HDAC5: variants seen among roughly 807,000 people sequenced by gnomAD.
HDAC5 encodes the protein histone deacetylase 5, also known as antigen NY-CO-9.
A neutral mutation model predicts 133.3 loss-of-function variants in HDAC5; 25 were observed. The ratio of observed to expected loss-of-function variants is 0.19; its 90% confidence interval spans 0.14 to 0.26. HDAC5 has a LOEUF of 0.26. Ranked by LOEUF, HDAC5 falls within the 10% of genes least tolerant of loss-of-function variation. HDAC5 has a pLI of 1.00. For synonymous variants in HDAC5, 589 were observed against 610.8 expected (o/e 0.96, Z 0.53); for missense variants, 1,041 against 1,460.5 (o/e 0.71, Z 4.68).
chr17:44,113,639 T>C (rs543483677), intron 2 of HDAC5, among the ~76,000 whole-genome samples: 64 of 152,216 alleles, frequency 4.2e-4, no homozygotes, highest in Admixed American at 1.4e-3. Context: ...CCACCAAGCA[T>C]GGGGTACATG....
At chr17:44,116,166 G>C (rs1455115725) in intron 2 of HDAC5, among the ~76,000 whole-genome samples, 2 of 152,248 alleles carry the variant, frequency 1.3e-5, no homozygotes, top group African/African-American at 4.8e-5. Flanking sequence ...AGGGACTGCA[G>C]ATGGCTCCTG....
rs1404187911 is a variant in HDAC5 at position 44,101,390 on chromosome 17, G to A, written c.95-7556C>T. Among the ~76,000 whole-genome samples the A allele has an allele frequency of 7.4e-5, 8 of 107,778 alleles. No homozygotes were observed. The East Asian group carries it at 1.2e-3, about 17-fold the overall frequency. The allele number at this position is 107,778 out of a possible 152,430, so 70.7% of individuals were successfully genotyped here. On this transcript the variant is annotated intron_variant, in intron 3 of 26. Transcript: ENST00000682912. ...CACACCACTGCACTCCAGCCTTGGCGACAGAGCAAGACTCCGTCTCAAAAA... is the reference window on the plus strand; with the variant it reads ...CACACCACTGCACTCCAGCCTTGGCAACAGAGCAAGACTCCGTCTCAAAAA...
Position 44,092,459 on chromosome 17 carries a change from G to A in HDAC5, c.841C>T (p.Leu281Phe). ...QKVAERRSSP[L>F]LRRKDGTVIS... The stretch of plus-strand genomic sequence containing the variant: ...ACAGTCCCATCCTTGCGACGCAGGA[G>A]GGGACTGCTTCTCCGCTCAGCCACC... Residue 281 changes from leucine to phenylalanine, a missense_variant, in exon 8 of 27, where the codon CTC (leucine) becomes TTC (phenylalanine). By Grantham distance (22) the Leu-to-Phe change is conservative. Transcript: ENST00000682912. 1.9e-6 allele frequency: 3 copies of A among 1,613,910 alleles called. No individual in the cohort carries two copies. Among genetic ancestry groups the A allele is most frequent in the Non-Finnish European group, 2.5e-6 (3 of 1,179,876 alleles).
intron 22 of HDAC5, 58 bp from the exon 23 acceptor site, chr17:44,080,283 C>T (rs1397802143): frequency 4.5e-6 from 7 of 1,560,652 alleles, no homozygotes; most frequent in Non-Finnish European, 6.2e-6. Flanking sequence ...CCTCGCCCCA[C>T]TGTTATCCTC....
At chr17:44,104,175 C>T (rs866980403) in intron 3 of HDAC5, among the ~76,000 whole-genome samples, 1 of 151,740 alleles carries the variant, frequency 6.6e-6, no homozygotes, top group Non-Finnish European at 1.5e-5. Context: ...ACAAAAATTA[C>T]CCAGGCATGG....
chr17:44,114,957 G>C (rs534729403), intron 2 of HDAC5, among the ~76,000 whole-genome samples: 1 of 152,148 alleles, frequency 6.6e-6, no homozygotes, highest in Non-Finnish European at 1.5e-5. Context: ...TAGGCAGCCC[G>C]AGCCAGAGGG....
In HDAC5 at chr17:44,101,676, T is replaced by TA. The variant is rs1356810076; in HGVS notation, c.95-7843dup. Among the ~76,000 whole-genome samples, 5 of 152,186 alleles carry TA rather than the reference T, an allele frequency of 3.3e-5. No individual in the cohort carries two copies. The South Asian group carries it at 1.0e-3, about 32-fold the overall frequency. ...ACACAGGTGAGGAAACCAAGCCTCTTAGAGAGGCTGCTCTGCAGATGATCC... is the reference window on the plus strand; with the variant it reads ...ACACAGGTGAGGAAACCAAGCCTCTTAAGAGAGGCTGCTCTGCAGATGATCC... On this transcript the variant is annotated intron_variant, in intron 3 of 26. Transcript: ENST00000682912.
At position 44,086,650 on chromosome 17, in the gene HDAC5, G is replaced by C. The variant is rs773781546; in HGVS notation, c.1972C>G (p.Arg658Gly). Residue 658 changes from arginine (R) to glycine (G), a missense_variant, in exon 14 of 27, where the codon CGT (arginine) becomes GGT (glycine). Coordinates refer to ENST00000682912, the MANE Select transcript of HDAC5 (RefSeq NM_005474.5). ...GGGGCAGCAGGGGAGGACTGGGTAC[G>C]GCCCAGGGCCTGGTGGGGCACAGTG... is the stretch of plus-strand genomic sequence containing the variant. ...LATVPHQALG[R>G]TQSSPAAPGG... is the part of the protein sequence containing the mutation. 1.5e-6 allele frequency: 2 copies of C among 1,301,304 alleles called. No individual in the cohort carries two copies. The highest frequency in any genetic ancestry group is 2.0e-6 in the Non-Finnish European group (2 of 1,017,270). The allele number at this position is 1,301,304 out of a possible 1,614,324, so 80.6% of individuals were successfully genotyped here.
chr17:44,079,414 G>C, intron 23 of HDAC5, 137 bp from the exon 24 acceptor site: 2 of 764,288 alleles, frequency 2.6e-6, no homozygotes, highest in South Asian at 3.6e-5. Flanking sequence ...GGCCAAGGCG[G>C]GCAGATCACA....
intron 1 of HDAC5, among the ~76,000 whole-genome samples, chr17:44,122,495 G>A (rs2053071396): frequency 6.6e-6 from 1 of 152,136 alleles, no homozygotes; most frequent in South Asian, 2.1e-4. Flanking sequence ...CACTGACTGA[G>A]TGATGGGTCC....
intron 24 of HDAC5, 116 bp downstream of exon 24, chr17:44,079,028 T>C: frequency 6.6e-7 from 1 of 1,511,408 alleles, no homozygotes; most frequent in Non-Finnish European, 9.0e-7. Context: ...GCCTGGCCAT[T>C]AGCTGTTCCT....
chr17:44,117,589 A>G lies in HDAC5; in HGVS notation c.-74T>C. 6.5e-7 allele frequency: 1 copy of G among 1,547,700 alleles called. No individual in the cohort carries two copies. Among genetic ancestry groups the G allele is most frequent in the Non-Finnish European group, 8.9e-7 (1 of 1,126,116 alleles). On this transcript the variant is annotated 5_prime_UTR_variant, in exon 2 of 27. Transcript: ENST00000682912. The surrounding 1 kb of genome is among the most constrained non-coding windows in gnomAD (Gnocchi z 4.2). Reference sequence around the variant, plus strand: ...GGGGTGGAGCTGCGGTGATGTCAAGAGAGACAGACGATAACAGACAGACGG... The same window carrying G: ...GGGGTGGAGCTGCGGTGATGTCAAGGGAGACAGACGATAACAGACAGACGG...
chr17:44,078,679 A>T lies in HDAC5; in HGVS notation c.3164-14T>A. ...TCCAGTGTTTGCCTGTGGACGAGAG[A>T]CAGGCAAGGGGTCAGGGAGGGCAGA... On this transcript the variant is annotated splice_polypyrimidine_tract_variant and intron_variant, in intron 25 of 26. Coordinates refer to ENST00000682912, the MANE Select transcript of HDAC5 (RefSeq NM_005474.5). 1 of 1,605,048 alleles carries T rather than the reference A, an allele frequency of 6.2e-7. No individual in the cohort carries two copies. Among genetic ancestry groups the T allele is most frequent in the Non-Finnish European group, 8.5e-7 (1 of 1,177,100 alleles).
chr17:44,095,450 C>T (rs1466163337), intron 3 of HDAC5, among the ~76,000 whole-genome samples: 1 of 152,076 alleles, frequency 6.6e-6, no homozygotes, highest in African/African-American at 2.4e-5. Context: ...ATATCTCTAC[C>T]CTCTGTCCCC....
rs535480768 is a variant in HDAC5, at chr17:44,108,778, A to C, written c.94+1951T>G. Among the ~76,000 whole-genome samples, 17 of 150,740 alleles carry C rather than the reference A, an allele frequency of 1.1e-4. 1 individual carries two copies. In the East Asian group the frequency reaches 3.3e-3, roughly 30 times the overall value. On this transcript the variant is annotated intron_variant, in intron 3 of 26. Transcript: ENST00000682912. ...AAAAAAAAACAAAAAAAAAACAAAA[A>C]AAAAACAAGGCTGCCGAGCTCCAGG...
At chr17:44,082,549 C>G in intron 20 of HDAC5, 36 bp downstream of exon 20, 1 of 1,530,532 alleles carries the variant, frequency 6.5e-7, no homozygotes, top group Non-Finnish European at 9.1e-7. Context: ...CCTAGCTCTA[C>G]CCGCCCCTGC....
chr17:44,088,285 G>A (rs2143187462), intron 12 of HDAC5, 102 bp downstream of exon 12: 2 of 1,467,006 alleles, frequency 1.4e-6, no homozygotes, highest in East Asian at 2.5e-5. Context: ...TCAGGCGCGA[G>A]CCACCGTGTC....
At chr17:44,103,165 G>A (rs759763023) in intron 3 of HDAC5, among the ~76,000 whole-genome samples, 5 of 152,028 alleles carry the variant, frequency 3.3e-5, no homozygotes, top group Non-Finnish European at 7.4e-5. Context: ...GGAAGGAGGC[G>A]GAGAACAACA....
At position 44,091,405 on chromosome 17, in the gene HDAC5, T is replaced by C; in HGVS notation, c.1252A>G (p.Met418Val). Residue 418 changes from methionine (M) to valine (V), a missense_variant, in exon 11 of 27, where the codon ATG becomes GTG. By Grantham distance (21) the Met-to-Val change is conservative (BLOSUM62 1). Coordinates refer to ENST00000682912, the MANE Select transcript of HDAC5 (RefSeq NM_005474.5). ...CAGCCAGGAATAGAGGATGTGCTCA[T>C]GAACTTGCCGGTCAGCGTGCCACCC... ...RQGGTLTGKF[M>V]STSSIPGCLL... The C allele has an allele frequency of 1.3e-6, 2 of 1,566,706 alleles. No individual in the cohort carries two copies. The highest frequency in any genetic ancestry group is 2.4e-5 in the South Asian group (2 of 82,526).
Sources: gnomAD v4.1 joint callset for allele counts (sites outside exome capture counted in the v4.1 genomes callset) on GRCh38, gnomAD v4.1.1 for gene constraint, Gnocchi (gnomAD v3.1) non-coding constraint, MANE v1.5 for transcripts, NCBI Gene and HGNC (gene_info 2026-07-23, HGNC 2026-07-21) for gene names.